The following PCDH9 variants were observed in gnomAD, a reference collection of about 807,000 sequenced individuals.
PCDH9 encodes protocadherin-9.
A neutral mutation model predicts 70.6 loss-of-function variants in PCDH9; 24 were observed. The ratio of observed to expected loss-of-function variants is 0.34; its 90% CI spans 0.25 to 0.48. PCDH9 has a LOEUF of 0.48. Among genes scored for constraint, PCDH9 ranks in the 20% least tolerant of loss-of-function variants. PCDH9 has a pLI of 0.99. For synonymous variants in PCDH9, 562 were observed against 558.5 expected (o/e 1.01, Z -0.09); for missense variants, 1,281 against 1,503.6 (o/e 0.85, Z 2.45).
At chr13:66,622,015 G>A (rs375474690) in intron 4 of PCDH9, among the ~76,000 whole-genome samples, 10 of 152,358 alleles carry the variant, frequency 6.6e-5, no homozygotes, top group Admixed American at 6.5e-5. Flanking sequence ...CCGGGTGGGC[G>A]TGGGCTTGGT....
At chr13:66,960,500 G>T (rs1418244019) in intron 2 of PCDH9, among the ~76,000 whole-genome samples, 1 of 152,134 alleles carries the variant, frequency 6.6e-6, no homozygotes, top group African/African-American at 2.4e-5. Flanking sequence ...GTGGTTGATG[G>T]AAGGAGTTGT....
intron 2 of PCDH9, chr13:67,201,221 TTAAA>T (rs1417591583): frequency 6.6e-6 from 1 of 152,008 alleles, no homozygotes; most frequent in African/African-American, 2.4e-5. Flanking sequence ...ATATATCCGT[TTAAA>T]TAAATAGTAG....
At chr13:67,168,737 A>G (rs373345238) in intron 2 of PCDH9, among the ~76,000 whole-genome samples, 8 of 152,338 alleles carry the variant, frequency 5.3e-5, no homozygotes, top group East Asian at 1.9e-4. Context: ...CCTGGCTCCA[A>G]GTAAAATGTA....
chr13:66,929,227 T>C (rs1272990461), intron 2 of PCDH9, among the ~76,000 whole-genome samples: 1 of 152,006 alleles, frequency 6.6e-6, no homozygotes, highest in African/African-American at 2.4e-5. Context: ...TATAAAACCC[T>C]ATTTACTAGA....
At chr13:66,760,795 A>G (rs1247485683) in intron 3 of PCDH9, among the ~76,000 whole-genome samples, 1 of 152,138 alleles carries the variant, frequency 6.6e-6, no homozygotes, top group African/African-American at 2.4e-5. Flanking sequence ...CCCTGGGAAA[A>G]GAATGCATTC....
At chr13:66,657,656 G>A (rs983622596) in intron 3 of PCDH9, among the ~76,000 whole-genome samples, 1 of 152,196 alleles carries the variant, frequency 6.6e-6, no homozygotes, top group African/African-American at 2.4e-5. Context: ...GTGAGTGCAT[G>A]TGCATATGTG....
intron 3 of PCDH9, among the ~76,000 whole-genome samples, chr13:66,749,200 T>C (rs188340751): frequency 2.2e-4 from 34 of 152,292 alleles, no homozygotes; most frequent in Admixed American, 1.2e-3. Flanking sequence ...CTCAAAATTC[T>C]ATATCAACAA....
At chr13:66,691,255 C>A (rs1190231588) in intron 3 of PCDH9, among the ~76,000 whole-genome samples, 4 of 152,050 alleles carry the variant, frequency 2.6e-5, no homozygotes, top group Non-Finnish European at 5.9e-5. Flanking sequence ...TCAGGCTGGT[C>A]TCGAATTCCT....
chr13:67,002,606 A>C (rs984639938), intron 2 of PCDH9, among the ~76,000 whole-genome samples: 2 of 151,932 alleles, frequency 1.3e-5, no homozygotes, highest in Non-Finnish European at 2.9e-5. Flanking sequence ...TTTAGAGATC[A>C]ATAATGATCT....
At chr13:66,496,475 C>T (rs1959119991) in intron 4 of PCDH9, among the ~76,000 whole-genome samples, 1 of 152,136 alleles carries the variant, frequency 6.6e-6, no homozygotes, top group African/African-American at 2.4e-5. Context: ...GCCCCTAGTA[C>T]AAGTTATTAC....
At position 66,621,918 on chromosome 13, in the gene PCDH9, G is replaced by A. The variant is rs146106064; in HGVS notation, c.3340+9292C>T. Among the ~76,000 whole-genome samples the A allele has an allele frequency of 2.7e-3, 418 of 152,338 alleles. 1 individual carries two copies. Among genetic ancestry groups the A allele is most frequent in the African/African-American group, 9.3e-3 (387 of 41,580 alleles). Reference sequence around the variant, plus strand: ...TTCTGGGCTGGCCAAGGCTGGAGCCGGCTCCCTCAGCTTGCAGGGAGGTGT... The same window carrying A: ...TTCTGGGCTGGCCAAGGCTGGAGCCAGCTCCCTCAGCTTGCAGGGAGGTGT... On this transcript the variant is annotated intron_variant, in intron 4 of 4. Transcript: ENST00000377865.
At chr13:67,128,962 G>A (rs989634796) in intron 2 of PCDH9, among the ~76,000 whole-genome samples, 2 of 152,148 alleles carry the variant, frequency 1.3e-5, no homozygotes, top group Admixed American at 6.6e-5. Flanking sequence ...CATTTTGTCA[G>A]TCCCCCAAGG....
intron 3 of PCDH9, among the ~76,000 whole-genome samples, chr13:66,809,240 G>T (rs1358184043): frequency 6.6e-6 from 1 of 152,088 alleles, no homozygotes; most frequent in South Asian, 2.1e-4. Context: ...GAGCCACCGC[G>T]CCAGGCCTTT....
chr13:66,529,871 C>T (rs1234127652), intron 4 of PCDH9, among the ~76,000 whole-genome samples: 4 of 139,456 alleles, frequency 2.9e-5, no homozygotes, highest in Non-Finnish European at 6.3e-5. Context: ...GTTATATCAC[C>T]ATGCTGTTAA....
chr13:66,506,453 T>C (rs1424711519), intron 4 of PCDH9, among the ~76,000 whole-genome samples: 4 of 152,178 alleles, frequency 2.6e-5, no homozygotes, highest in African/African-American at 9.6e-5. Context: ...CAGAAAAACA[T>C]GTCAGAAATG....
intron 4 of PCDH9, among the ~76,000 whole-genome samples, chr13:66,500,911 A>G (rs1959173799): frequency 6.6e-6 from 1 of 152,144 alleles, no homozygotes; most frequent in Non-Finnish European, 1.5e-5. Flanking sequence ...ATATCCACAT[A>G]GCAATTTTTT....
intron 3 of PCDH9, among the ~76,000 whole-genome samples, chr13:66,757,614 G>A (rs2079556629): frequency 6.6e-6 from 1 of 151,872 alleles, no homozygotes; most frequent in Admixed American, 6.6e-5. Context: ...ATTCAAGCAT[G>A]TCACATACGA....
At chr13:67,058,309 A>G (rs1458607758) in intron 2 of PCDH9, among the ~76,000 whole-genome samples, 1 of 152,182 alleles carries the variant, frequency 6.6e-6, no homozygotes, top group Non-Finnish European at 1.5e-5. Context: ...CAAGAGCCAC[A>G]AAACCAGTGT....
intron 4 of PCDH9, among the ~76,000 whole-genome samples, chr13:66,351,342 C>T (rs562833908): frequency 3.9e-5 from 6 of 152,082 alleles, no homozygotes; most frequent in Middle Eastern, 3.4e-3. Flanking sequence ...TCTTTCATGC[C>T]GGAAGTCTCC....
Sources: allele counts gnomAD v4.1 joint callset (sites outside exome capture counted in the v4.1 genomes callset), GRCh38; gene constraint gnomAD v4.1.1; transcripts MANE v1.5; gene names NCBI Gene and HGNC (gene_info 2026-07-23, HGNC 2026-07-21).